ANKFY1: variants seen among roughly 807,000 people sequenced by gnomAD.
ANKFY1 encodes ankyrin repeat and FYVE domain-containing protein 1.
ANKFY1 carries 47 observed loss-of-function variants against 128.3 expected under a neutral mutation model. The observed-to-expected ratio is 0.37, with a 90% confidence interval of 0.29 to 0.47. The LOEUF is 0.47. Ranked by LOEUF, ANKFY1 falls within the 20% of genes least tolerant of loss-of-function variation. The probability of loss-of-function intolerance (pLI) is 1.00; values close to 1 mark genes in which losing one functional copy is unlikely to be tolerated. For synonymous variants in ANKFY1, 553 were observed against 601.6 expected (o/e 0.92, Z 1.18); for missense variants, 1,222 against 1,510.6 (o/e 0.81, Z 3.17).
chr17:4,212,858 C>G (rs1217685048), intron 4 of ANKFY1, among the ~76,000 whole-genome samples: 1 of 151,274 alleles, frequency 6.6e-6, no homozygotes, highest in Admixed American at 6.6e-5. Context: ...GCAACCTCCG[C>G]CTCCCAGGTT....
chr17:4,240,952 CTT>C (rs1369295074), intron 2 of ANKFY1, among the ~76,000 whole-genome samples: 1 of 152,240 alleles, frequency 6.6e-6, no homozygotes, highest in Non-Finnish European at 1.5e-5. Flanking sequence ...ATACCACTGT[CTT>C]TACCTATTAA....
chr17:4,173,862 T>C (rs1301556923), intron 20 of ANKFY1, 47 bp downstream of exon 20: 2 of 1,585,930 alleles, frequency 1.3e-6, no homozygotes, highest in African/African-American at 1.3e-5. Context: ...CCCCCACCCC[T>C]AGAATGGAGG....
chr17:4,177,211 A>G lies in ANKFY1; in HGVS notation c.2690T>C (p.Val897Ala). The change falls in exon 19 of 25, where the codon GTG (valine) becomes GCG (alanine). Residue 897 changes from valine (V) to alanine (A), a missense_variant. By Grantham distance (64) the Val-to-Ala change is moderately conservative. Coordinates refer to ENST00000341657, the MANE Select transcript of ANKFY1 (RefSeq NM_001330063.2). Reference sequence around the variant, plus strand: ...GGAGGCATCCTGGACTCTTGAATTCACATTAGCGTGGACACTGATCAGGAA... The same window carrying G: ...GGAGGCATCCTGGACTCTTGAATTCGCATTAGCGTGGACACTGATCAGGAA... Reference protein sequence around the residue: ...VLFLISVHANVNSRVQDASKL... With the variant: ...VLFLISVHANANSRVQDASKL... 6.2e-7 allele frequency: 1 copy of G among 1,609,988 alleles called. No individual in the cohort carries two copies. The highest frequency in any genetic ancestry group is 8.5e-7 in the Non-Finnish European group (1 of 1,177,914).
chr17:4,213,362 G>C lies in ANKFY1; in HGVS notation c.459-3415C>G, dbSNP rs12325938. On this transcript the variant is annotated intron_variant, in intron 4 of 24. Coordinates refer to ENST00000341657, the MANE Select transcript of ANKFY1 (RefSeq NM_001330063.2). Reference sequence around the variant, plus strand: ...CCGCCACCACGACCGGCTAATTTTTGTATTATTAGTAGGGACGGGGTTTCA... The same window carrying C: ...CCGCCACCACGACCGGCTAATTTTTCTATTATTAGTAGGGACGGGGTTTCA... 8.8e-3 allele frequency among the ~76,000 whole-genome samples: 1,334 copies of C among 151,192 alleles called. 9 individuals carry two copies. Among genetic ancestry groups the C allele is most frequent in the Middle Eastern group, 0.021 (6 of 292 alleles).
chr17:4,263,647 C>G, intron 1 of ANKFY1: 1 of 1,534,594 alleles, frequency 6.5e-7, no homozygotes, highest in South Asian at 1.2e-5. Context: ...GTGCTGCCCT[C>G]GGGGCCCCGC....
chr17:4,185,729 G>A (rs901941481), intron 11 of ANKFY1, among the ~76,000 whole-genome samples: 9 of 65,278 alleles, frequency 1.4e-4, no homozygotes, highest in African/African-American at 2.8e-4. Flanking sequence ...CCTTCGCTTT[G>A]TTTTATAATT....
rs2060351599 is a variant in ANKFY1, at chr17:4,222,915, T to C, written c.323-5797A>G. The C allele has an allele frequency of 1.1e-4, 128 of 1,207,598 alleles. 3 individuals carry two copies. The South Asian group carries it at 1.4e-3, about 14-fold the overall frequency. 74.8% of individuals were successfully genotyped at this position (1,207,598 alleles called of 1,614,324 possible). A position where few individuals can be genotyped will look rare whatever the true frequency, so the allele number is the denominator to read the frequency against. On this transcript the variant is annotated intron_variant, in intron 3 of 24. Transcript: ENST00000341657. ...CAATCCAACTCCTATCACCAGCTCC[T>C]CAGGTTATCCTACCTTGCGGATAGA...
rs779067805 is a variant in ANKFY1, at chr17:4,242,317, C to T, written c.142G>A (p.Glu48Lys). The T allele has an allele frequency of 1.1e-5, 18 of 1,595,988 alleles. No homozygotes were observed. Among genetic ancestry groups the T allele is most frequent in the African/African-American group, 2.7e-5 (2 of 73,688 alleles). Residue 48 changes from glutamate to lysine, a missense_variant, in exon 2 of 25, where the codon GAG becomes AAG. Glu to Lys is a moderately conservative substitution (Grantham distance 56, BLOSUM62 1). Transcript: ENST00000341657. ...AAQANKESSS[E>K]SFISRLLAIV... is the part of the protein sequence containing the mutation. ...GCCAGCAGACGGCTGATGAAGGACT[C>T]GCTGCTGCTCTCCTTGTTTGCCTGC...
At chr17:4,217,996 C>T (rs2060249245) in intron 3 of ANKFY1, among the ~76,000 whole-genome samples, 1 of 152,092 alleles carries the variant, frequency 6.6e-6, no homozygotes, top group African/African-American at 2.4e-5. Context: ...AGTTAACATT[C>T]TTTATGATAA....
chr17:4,254,699 A>T (rs1968023950), intron 1 of ANKFY1, among the ~76,000 whole-genome samples: 1 of 152,242 alleles, frequency 6.6e-6, no homozygotes, highest in Non-Finnish European at 1.5e-5. Context: ...ATAGTAAAAG[A>T]TTTTAATGCC....
At chr17:4,190,446 A>C (rs1263079196) in intron 10 of ANKFY1, among the ~76,000 whole-genome samples, 2 of 149,818 alleles carry the variant, frequency 1.3e-5, no homozygotes, top group Non-Finnish European at 3.0e-5. Flanking sequence ...GTCTCAAAGA[A>C]AAAAAAAAAA....
Position 4,178,981 on chromosome 17 carries a change from T to TGA in ANKFY1, c.2472_2473dup (p.His825LeufsTer7). 1 of 1,613,990 alleles carries TGA rather than the reference T, an allele frequency of 6.2e-7. No individual in the cohort carries two copies. Among genetic ancestry groups the TGA allele is most frequent in the Non-Finnish European group, 8.5e-7 (1 of 1,180,016 alleles). On this transcript the variant is annotated frameshift_variant, in exon 18 of 25. Transcript: ENST00000341657. LOFTEE classifies it high-confidence loss of function. The surrounding 1 kb of genome is among the most constrained non-coding windows in gnomAD (Gnocchi z 4.1). ...TCGTACATTCAAATGGATATCGGGG[T>TGA]GAGAAACCAACAGCTGAATGATGAC...
At chr17:4,202,280 A>G (rs961460220) in intron 7 of ANKFY1, among the ~76,000 whole-genome samples, 2 of 152,088 alleles carry the variant, frequency 1.3e-5, no homozygotes, top group Non-Finnish European at 2.9e-5. Flanking sequence ...ATGTGCCTGT[A>G]ATCCCAGCTA....
In ANKFY1 at chr17:4,178,640, G is replaced by A. The variant is rs916642615; in HGVS notation, c.2598+217C>T. 1.2e-4 allele frequency: 70 copies of A among 581,656 alleles called. No homozygotes were observed. Among genetic ancestry groups the A allele is most frequent in the South Asian group, 2.3e-4 (11 of 48,526 alleles). The allele number at this position is 581,656 out of a possible 1,614,324, so 36.0% of individuals were successfully genotyped here. A position where few individuals can be genotyped will look rare whatever the true frequency, so the allele number is the denominator to read the frequency against. On this transcript the variant is annotated intron_variant, in intron 18 of 24. Transcript: ENST00000341657. This position sits in a 1 kb window ranked among gnomAD's most constrained non-coding sequence, Gnocchi z 4.1. ...GGAGCCCACTGCCTCCGCTTCCATC[G>A]AAGCCGGGCACTGTCAGGCGCTGAC...
chr17:4,243,103 T>C (rs1225959229), intron 1 of ANKFY1, among the ~76,000 whole-genome samples: 1 of 152,138 alleles, frequency 6.6e-6, no homozygotes, highest in East Asian at 1.9e-4. Flanking sequence ...AGTCTTGCTC[T>C]GTCATGAGGC....
intron 8 of ANKFY1, 27 bp downstream of exon 8, chr17:4,197,346 G>A (rs1462990858): frequency 2.5e-6 from 4 of 1,611,908 alleles, no homozygotes; most frequent in Non-Finnish European, 3.4e-6. Context: ...ACAGTGCTAA[G>A]GGCACAGTGT....
At chr17:4,198,057 G>T (rs1306617805) in intron 7 of ANKFY1, among the ~76,000 whole-genome samples, 1 of 151,838 alleles carries the variant, frequency 6.6e-6, no homozygotes, top group Non-Finnish European at 1.5e-5. Flanking sequence ...TGAACCCAGG[G>T]GGTGGAGGTT....
intron 1 of ANKFY1, among the ~76,000 whole-genome samples, chr17:4,247,919 T>C (rs1184118875): frequency 6.6e-6 from 1 of 152,148 alleles, no homozygotes; most frequent in Non-Finnish European, 1.5e-5. Flanking sequence ...GGTCAAAATA[T>C]ATTAGCTATT....
intron 3 of ANKFY1, among the ~76,000 whole-genome samples, chr17:4,231,963 A>G (rs568910753): frequency 6.6e-6 from 1 of 152,074 alleles, no homozygotes; most frequent in African/African-American, 2.4e-5. Flanking sequence ...AAAGAAAGAA[A>G]TATCAATTAG....
Sources: gnomAD v4.1 joint callset for allele counts (sites outside exome capture counted in the v4.1 genomes callset) on GRCh38, gnomAD v4.1.1 for gene constraint, Gnocchi (gnomAD v3.1) non-coding constraint, MANE v1.5 for transcripts, NCBI Gene and HGNC (gene_info 2026-07-23, HGNC 2026-07-21) for gene names.